The following B3GALT1 variants were observed in gnomAD, a reference collection of about 807,000 sequenced individuals.
B3GALT1 encodes UDP-Gal:betaGlcNAc beta 1,3-galactosyltransferase, polypeptide 1.
B3GALT1 carries 10 observed loss-of-function variants against 23.2 expected under a neutral mutation model. The ratio of observed to expected loss-of-function variants is 0.43; its 90% confidence interval spans 0.27 to 0.73. B3GALT1 has a LOEUF of 0.73. Ranked by LOEUF, B3GALT1 falls within the 30% of genes least tolerant of loss-of-function variation. The pLI, the probability that B3GALT1 is intolerant of heterozygous loss-of-function variation, is 0.21. For synonymous variants in B3GALT1, 156 were observed against 141.5 expected (o/e 1.10, Z -0.73); for missense variants, 299 against 405.4 (o/e 0.74, Z 2.25).
At chr2:167,649,788 T>G (rs901373396) in intron 3 of B3GALT1, among the ~76,000 whole-genome samples, 1 of 152,004 alleles carries the variant, frequency 6.6e-6, no homozygotes, top group Non-Finnish European at 1.5e-5. Context: ...ACCAAATTTG[T>G]TTATTAGCTC....
intron 1 of B3GALT1, among the ~76,000 whole-genome samples, chr2:167,389,355 A>G (rs924677944): frequency 2.0e-5 from 3 of 152,202 alleles, no homozygotes; most frequent in African/African-American, 7.2e-5. Flanking sequence ...CAATGAATCA[A>G]CCACTAATTG....
Position 167,411,378 on chromosome 2 carries a change from CAAAAAAA to C in B3GALT1, c.-510-78784_-510-78778del, listed in dbSNP as rs60719828. Among the ~76,000 whole-genome samples the C allele has an allele frequency of 6.0e-3, 818 of 136,484 alleles. 5 individuals are homozygous for C. Among genetic ancestry groups the C allele is most frequent in the African/African-American group, 0.017 (608 of 36,302 alleles). The allele number at this position is 136,484 out of a possible 152,430, so 89.5% of individuals were successfully genotyped here. On this transcript the variant is annotated intron_variant, in intron 1 of 4. Coordinates refer to ENST00000392690, the MANE Select transcript of B3GALT1 (RefSeq NM_020981.4). Reference sequence around the variant, plus strand: ...AACAACTCAATAGCAAACAAAAAACCAAAAAAAAAAAAAAAAAAAAACCACACAAATA... The same window carrying C: ...AACAACTCAATAGCAAACAAAAAACCAAAAAAAAAAAAAACCACACAAATA...
At position 167,822,407 on chromosome 2, in the gene B3GALT1, G is replaced by C. The variant is rs1481589477; in HGVS notation, c.-230+3614G>C. Among the ~76,000 whole-genome samples the C allele has an allele frequency of 1.3e-5, 2 of 152,098 alleles. 1 individual carries two copies. Among genetic ancestry groups the C allele is most frequent in the Middle Eastern group, 6.3e-3 (2 of 316 alleles). On this transcript the variant is annotated intron_variant, in intron 4 of 4. Coordinates refer to ENST00000392690, the MANE Select transcript of B3GALT1 (RefSeq NM_020981.4). The stretch of plus-strand genomic sequence containing the variant: ...TGTAATTAACACAGTCTTGAAAGTA[G>C]AAGTTTCCATGACATTAAAATTCTT...
intron 3 of B3GALT1, among the ~76,000 whole-genome samples, chr2:167,742,573 T>G (rs1348362114): frequency 6.6e-6 from 1 of 152,194 alleles, no homozygotes; most frequent in Non-Finnish European, 1.5e-5. Flanking sequence ...ATCTGTTCTA[T>G]CACAGCAGAA....
chr2:167,358,850 T>G (rs978089416), intron 1 of B3GALT1, among the ~76,000 whole-genome samples: 1 of 152,226 alleles, frequency 6.6e-6, no homozygotes, highest in Non-Finnish European at 1.5e-5. Flanking sequence ...GTCACCAGGC[T>G]GGAGTGCAGT....
intron 1 of B3GALT1, among the ~76,000 whole-genome samples, chr2:167,299,000 G>A (rs1696403244): frequency 6.6e-6 from 1 of 152,054 alleles, no homozygotes; most frequent in Non-Finnish European, 1.5e-5. Context: ...CCTATTGCTA[G>A]ATTCTCTCAG....
chr2:167,698,705 C>CA (rs1396393673), intron 3 of B3GALT1, among the ~76,000 whole-genome samples: 1 of 152,094 alleles, frequency 6.6e-6, no homozygotes, highest in Non-Finnish European at 1.5e-5. Context: ...TAAGCTATTC[C>CA]AAAAAATCTT....
At chr2:167,626,743 A>G (rs146371950) in intron 2 of B3GALT1, among the ~76,000 whole-genome samples, 1 of 151,962 alleles carries the variant, frequency 6.6e-6, no homozygotes. Context: ...TACATGTAGT[A>G]TTAAATATTC....
At chr2:167,858,482 CTTTATG>C (rs745567352) in intron 4 of B3GALT1, among the ~76,000 whole-genome samples, 6 of 151,932 alleles carry the variant, frequency 3.9e-5, no homozygotes, top group Non-Finnish European at 8.8e-5. Flanking sequence ...AATGATAATA[CTTTATG>C]TTCATGTAGC....
intron 4 of B3GALT1, among the ~76,000 whole-genome samples, chr2:167,823,133 C>T (rs961259746): frequency 6.8e-6 from 1 of 147,228 alleles, no homozygotes; most frequent in Admixed American, 7.2e-5. Context: ...GTGGGGGCCC[C>T]ATGGGGTGAA....
intron 2 of B3GALT1, among the ~76,000 whole-genome samples, chr2:167,645,853 A>G (rs111310416): frequency 0.042 from 6,350 of 151,986 alleles, 464 homozygotes; most frequent in African/African-American, 0.15. Flanking sequence ...TCACAGGTGT[A>G]AGCCACCACA....
chr2:167,635,826 C>A (rs1685542636), intron 2 of B3GALT1, among the ~76,000 whole-genome samples: 1 of 152,060 alleles, frequency 6.6e-6, no homozygotes, highest in South Asian at 2.1e-4. Context: ...ACTTTCTTCA[C>A]AGAATTAGAA....
At chr2:167,713,406 C>T (rs1687092840) in intron 3 of B3GALT1, among the ~76,000 whole-genome samples, 2 of 152,118 alleles carry the variant, frequency 1.3e-5, no homozygotes, top group South Asian at 2.1e-4. Context: ...CATGGGAAAA[C>T]ACACTTAATT....
At chr2:167,697,732 A>C (rs1293764439) in intron 3 of B3GALT1, among the ~76,000 whole-genome samples, 1 of 152,222 alleles carries the variant, frequency 6.6e-6, no homozygotes, top group Non-Finnish European at 1.5e-5. Context: ...AAAAAGTATC[A>C]GCCGAGAGAT....
At chr2:167,376,489 T>C (rs1697764457) in intron 1 of B3GALT1, among the ~76,000 whole-genome samples, 2 of 152,164 alleles carry the variant, frequency 1.3e-5, no homozygotes, top group African/African-American at 4.8e-5. Context: ...CTTGGGTTGG[T>C]AGGTTTTTTA....
At chr2:167,617,326 C>A (rs1685177823) in intron 2 of B3GALT1, among the ~76,000 whole-genome samples, 1 of 152,088 alleles carries the variant, frequency 6.6e-6, no homozygotes, top group Non-Finnish European at 1.5e-5. Flanking sequence ...TCCATCTCAG[C>A]AAACTTCAGC....
chr2:167,487,634 AAG>A lies in B3GALT1; in HGVS notation c.-510-2540_-510-2539del, dbSNP rs1375837757. ...TTGGTTGGGAAACCAAAAAAGAAAC[AAG>A]AGGATTTTTTAATACTAGTTAGGCT... is the stretch of plus-strand genomic sequence containing the variant. On this transcript the variant is annotated intron_variant, in intron 1 of 4. Transcript: ENST00000392690. Among the ~76,000 whole-genome samples, 10 of 152,178 alleles carry A rather than the reference AAG, an allele frequency of 6.6e-5. 1 individual carries two copies. Among genetic ancestry groups the A allele is most frequent in the Non-Finnish European group, 1.5e-4 (10 of 68,020 alleles).
chr2:167,550,266 C>T (rs751196543), intron 2 of B3GALT1, among the ~76,000 whole-genome samples: 1 of 152,162 alleles, frequency 6.6e-6, no homozygotes, highest in African/African-American at 2.4e-5. Flanking sequence ...CACTTATTAT[C>T]CTTTAGATGC....
At chr2:167,726,329 A>G (rs1390354377) in intron 3 of B3GALT1, among the ~76,000 whole-genome samples, 1 of 152,038 alleles carries the variant, frequency 6.6e-6, no homozygotes, top group Non-Finnish European at 1.5e-5. Context: ...CTACCTATTC[A>G]TCGCCTTCTT....
Sources: gnomAD v4.1 joint callset for allele counts (sites outside exome capture counted in the v4.1 genomes callset) on GRCh38, gnomAD v4.1.1 for gene constraint, MANE v1.5 for transcripts, NCBI Gene and HGNC (gene_info 2026-07-23, HGNC 2026-07-21) for gene names.